The following FLYWCH1 variants were observed in gnomAD, a reference collection of about 807,000 sequenced individuals.
The protein encoded by FLYWCH1 is FLYWCH-type zinc finger 1.
Under a neutral mutation model 66.4 loss-of-function variants are expected in FLYWCH1, and 75 were observed. That is an observed-to-expected ratio of 1.13 (90% CI 0.94 to 1.37). The LOEUF (loss-of-function observed/expected upper bound fraction) is 1.37, where lower values mean the gene tolerates loss of function less well. Among genes scored for constraint, FLYWCH1 ranks in the 40% most tolerant of loss-of-function variants. The pLI is 0.00. For synonymous variants in FLYWCH1, 595 were observed against 429.9 expected, an observed-to-expected ratio of 1.38 and a Z score of -4.75; for missense variants, 1,334 against 1,001.8, an observed-to-expected ratio of 1.33 and a Z score of -4.48.
At chr16:2,946,316 CTTT>C (rs58279573) in intron 9 of FLYWCH1, among the ~76,000 whole-genome samples, 5 of 75,532 alleles carry the variant, frequency 6.6e-5, no homozygotes, top group Admixed American at 5.5e-4. Context: ...GTGGGCTGTA[CTTT>C]TTTTTTTTTT....
chr16:2,933,102 G>A (rs779605298), intron 4 of FLYWCH1, 28 bp from the exon 5 acceptor site: 47 of 1,596,618 alleles, frequency 2.9e-5, no homozygotes, highest in Non-Finnish European at 3.9e-5. Flanking sequence ...CACCCCTGGT[G>A]ATGTGACCAC....
chr16:2,928,111 T>A (rs1471581360), intron 2 of FLYWCH1, among the ~76,000 whole-genome samples: 1 of 152,096 alleles, frequency 6.6e-6, no homozygotes, highest in East Asian at 1.9e-4. Flanking sequence ...TAGCAAAGAG[T>A]AACAGAGCAG....
intron 2 of FLYWCH1, among the ~76,000 whole-genome samples, chr16:2,920,956 C>T (rs1199988935): frequency 6.6e-6 from 1 of 151,134 alleles, no homozygotes; most frequent in Non-Finnish European, 1.5e-5. Flanking sequence ...ATTCTTCTGC[C>T]TCAGCCTTCC....
At chr16:2,946,224 G>A (rs1313374007) in intron 9 of FLYWCH1, among the ~76,000 whole-genome samples, 1 of 151,244 alleles carries the variant, frequency 6.6e-6, no homozygotes, top group African/African-American at 2.4e-5. Flanking sequence ...ATACACTAAT[G>A]CTTTAGGCCT....
At chr16:2,943,899 T>C (rs1020918431) in intron 9 of FLYWCH1, among the ~76,000 whole-genome samples, 1 of 151,846 alleles carries the variant, frequency 6.6e-6, no homozygotes, top group Non-Finnish European at 1.5e-5. Context: ...ATCACGACAT[T>C]GCACTCCAGC....
At chr16:2,929,290 C>A (rs1002055394) in intron 2 of FLYWCH1, among the ~76,000 whole-genome samples, 3 of 152,186 alleles carry the variant, frequency 2.0e-5, no homozygotes, top group African/African-American at 7.2e-5. Flanking sequence ...GGAGGGGGGA[C>A]TGGAAACGCG....
At chr16:2,933,013 G>T (rs902122064) in intron 4 of FLYWCH1, 117 bp from the exon 5 acceptor site, 35 of 905,378 alleles carry the variant, frequency 3.9e-5, no homozygotes, top group Middle Eastern at 5.8e-4. Context: ...AGGAAGCCAG[G>T]GTAAATTTCA....
chr16:2,937,059 C>A, intron 6 of FLYWCH1, 62 bp from the exon 7 acceptor site: 1 of 1,489,358 alleles, frequency 6.7e-7, no homozygotes. Context: ...CATCTCGGGG[C>A]CATGCTGATC....
chr16:2,942,203 A>G (rs1225019135), intron 9 of FLYWCH1, among the ~76,000 whole-genome samples: 1 of 152,102 alleles, frequency 6.6e-6, no homozygotes, highest in African/African-American at 2.4e-5. Context: ...TCATTCTGGC[A>G]GAGTCTCATT....
In FLYWCH1 at chr16:2,917,699, T is replaced by G. The variant is rs541273897; in HGVS notation, c.-74+3410T>G. On this transcript the variant is annotated intron_variant, in intron 2 of 9. Transcript: ENST00000253928. ...TCTTCTGTTTCCCAAGGTCATCTATTCTAGTGTTTGTCAAAGTCTAGTTCA... is the reference window on the plus strand; with the variant it reads ...TCTTCTGTTTCCCAAGGTCATCTATGCTAGTGTTTGTCAAAGTCTAGTTCA... Among the ~76,000 whole-genome samples the G allele has an allele frequency of 7.2e-5, 11 of 152,286 alleles. No homozygotes were observed. The East Asian group carries it at 1.9e-3, about 27-fold the overall frequency.
At chr16:2,945,592 G>A (rs895849851) in intron 9 of FLYWCH1, among the ~76,000 whole-genome samples, 9 of 142,468 alleles carry the variant, frequency 6.3e-5, no homozygotes, top group Non-Finnish European at 1.4e-4. Flanking sequence ...GCAGTGCACC[G>A]AGATCGTGCC....
At chr16:2,918,151 T>TTTC (rs2070238080) in intron 2 of FLYWCH1, among the ~76,000 whole-genome samples, 1 of 89,292 alleles carries the variant, frequency 1.1e-5, no homozygotes, top group African/African-American at 3.1e-5. Flanking sequence ...GGATTCCTTT[T>TTTC]TTTTTTTTTT....
At chr16:2,914,705 C>T (rs1037646349) in intron 2 of FLYWCH1, among the ~76,000 whole-genome samples, 3 of 151,988 alleles carry the variant, frequency 2.0e-5, no homozygotes, top group African/African-American at 7.2e-5. Context: ...TTGAGACCAG[C>T]CTGGCTAACA....
At chr16:2,944,821 CAA>C (rs1009357096) in intron 9 of FLYWCH1, among the ~76,000 whole-genome samples, 5 of 116,686 alleles carry the variant, frequency 4.3e-5, no homozygotes, top group Non-Finnish European at 1.9e-5. Flanking sequence ...GACTCTGTAT[CAA>C]AAAAAAAAAA....
At position 2,930,450 on chromosome 16, in the gene FLYWCH1, G is replaced by T; in HGVS notation, c.366G>T (p.Gly122=). The change falls in exon 4 of 10, where the codon GGG becomes GGT. Residue 122 remains glycine (G), a synonymous_variant. Transcript: ENST00000253928. ...TGGAGTTCCTGAGGACACCATTCGG[G>T]GGCCGCCTCCTGGTGCTGGAGTCCT... ...QSLEFLRTPF[G]GRLLVLESFL... The T allele has an allele frequency of 6.7e-7, 1 of 1,495,386 alleles. No individual in the cohort carries two copies. The highest frequency in any genetic ancestry group is 8.9e-7 in the Non-Finnish European group (1 of 1,124,580). The allele number at this position is 1,495,386 out of a possible 1,614,324, so 92.6% of individuals were successfully genotyped here.
At chr16:2,931,075 C>G (rs762070882) in intron 4 of FLYWCH1, among the ~76,000 whole-genome samples, 195 bp downstream of exon 4, 3 of 151,930 alleles carry the variant, frequency 2.0e-5, no homozygotes, top group Non-Finnish European at 2.9e-5. Flanking sequence ...GAGGCCAAGG[C>G]GGACGGATCA....
intron 2 of FLYWCH1, chr16:2,922,486 C>G: frequency 4.2e-6 from 1 of 236,516 alleles, no homozygotes; most frequent in Non-Finnish European, 8.3e-6. Context: ...CATCCTCCTG[C>G]CCCTGGCACC....
chr16:2,936,919 AG>A (rs1411899700), intron 6 of FLYWCH1: 6 of 708,522 alleles, frequency 8.5e-6, no homozygotes, highest in African/African-American at 1.8e-5. Context: ...TCACCTGACC[AG>A]TCCCCAGCCT....
chr16:2,947,928 C>T (rs1358476994), intron 9 of FLYWCH1, among the ~76,000 whole-genome samples: 1 of 151,996 alleles, frequency 6.6e-6, no homozygotes, highest in Non-Finnish European at 1.5e-5. Flanking sequence ...GTGGTCCCAG[C>T]TACTTGGGAG....
Sources: gnomAD v4.1 joint callset for allele counts (sites outside exome capture counted in the v4.1 genomes callset) on GRCh38, gnomAD v4.1.1 for gene constraint, MANE v1.5 for transcripts, NCBI Gene and HGNC (gene_info 2026-07-23, HGNC 2026-07-21) for gene names.